RRP12: variants seen among roughly 807,000 people sequenced by gnomAD.
The protein encoded by RRP12 is ribosomal RNA processing 12 homolog.
A neutral mutation model predicts 157.3 loss-of-function variants in RRP12; 78 were observed. The observed-to-expected ratio is 0.50, with a 90% CI of 0.41 to 0.60. The LOEUF (loss-of-function observed/expected upper bound fraction) is 0.60, where lower values mean the gene tolerates loss of function less well. Ranked by LOEUF, RRP12 falls within the 20% of genes least tolerant of loss-of-function variation. RRP12 has a pLI of 0.00. For synonymous variants in RRP12, 726 were observed against 670.9 expected, an observed-to-expected ratio of 1.08 and a Z score of -1.27; for missense variants, 1,521 against 1,679.9, an observed-to-expected ratio of 0.91 and a Z score of 1.65.
Position 97,388,477 on chromosome 10 carries a change from TG to T in RRP12, c.889+11del, listed in dbSNP as rs754478668. The T allele has an allele frequency of 3.1e-6, 5 of 1,613,988 alleles. No individual in the cohort carries two copies. Among genetic ancestry groups the T allele is most frequent in the Non-Finnish European group, 4.2e-6 (5 of 1,179,872 alleles). ...GCCTCCCATCCACCTGCCCTCCATTTGGGTTCCCCACCTCCAGACTTCTCAA... is the reference window on the plus strand; with the variant it reads ...GCCTCCCATCCACCTGCCCTCCATTTGGTTCCCCACCTCCAGACTTCTCAA... On this transcript the variant is annotated intron_variant, in intron 7 of 33. Transcript: ENST00000370992.
chr10:97,390,961 A>G (rs1844787385), intron 4 of RRP12, 117 bp from the exon 5 acceptor site: 2 of 725,946 alleles, frequency 2.8e-6, no homozygotes, highest in Admixed American at 4.1e-5. Context: ...TCACTCAGAA[A>G]GTGAGCAACA....
At chr10:97,364,764 T>G (rs1843928686) in intron 29 of RRP12, among the ~76,000 whole-genome samples, 1 of 152,066 alleles carries the variant, frequency 6.6e-6, no homozygotes, top group Non-Finnish European at 1.5e-5. Context: ...TCCTCTGGGC[T>G]TGGCAGGAGT....
intron 8 of RRP12, among the ~76,000 whole-genome samples, chr10:97,386,998 AAAG>A (rs1298829821): frequency 6.6e-6 from 1 of 152,046 alleles, no homozygotes; most frequent in Non-Finnish European, 1.5e-5. Context: ...ACAAAAAAAA[AAAG>A]AGAGAGAACA....
intron 17 of RRP12, 26 bp downstream of exon 17, chr10:97,373,549 C>G (rs758233283): frequency 6.4e-7 from 1 of 1,568,756 alleles, no homozygotes; most frequent in Non-Finnish European, 8.7e-7. Flanking sequence ...TCCTCCCCAG[C>G]CCCCACTCCC....
chr10:97,360,868 T>C (rs1843825849), intron 30 of RRP12, among the ~76,000 whole-genome samples: 1 of 152,188 alleles, frequency 6.6e-6, no homozygotes, highest in Non-Finnish European at 1.5e-5. Flanking sequence ...CGGCCGTTCC[T>C]GCTCTTCCTT....
At chr10:97,377,530 A>C (rs74729163) in intron 15 of RRP12, among the ~76,000 whole-genome samples, 36,178 of 151,188 alleles carry the variant, frequency 0.24, 4,632 homozygotes, top group South Asian at 0.34. Context: ...ATAAATGTGT[A>C]TGTGTCTGTG....
Position 97,401,079 on chromosome 10 carries a change from C to T in RRP12, c.139+14G>A. 1.9e-6 allele frequency: 3 copies of T among 1,612,180 alleles called. No homozygotes were observed. The South Asian group carries it at 3.3e-5, about 18-fold the overall frequency. ...ACCCCGCCCCCGGCTGCGCTCGGGTCTCAACCCAGCTACCTGACGGCCGGC... is the reference window on the plus strand; with the variant it reads ...ACCCCGCCCCCGGCTGCGCTCGGGTTTCAACCCAGCTACCTGACGGCCGGC... On this transcript the variant is annotated intron_variant, in intron 1 of 33. Coordinates refer to ENST00000370992, the MANE Select transcript of RRP12 (RefSeq NM_015179.4).
Position 97,369,565 on chromosome 10 carries a change from T to C in RRP12, c.2815A>G (p.Thr939Ala). Residue 939 changes from threonine (T) to alanine (A), a missense_variant, in exon 25 of 34, where the codon ACA becomes GCA. Transcript: ENST00000370992. Reference protein sequence around the residue: ...FEFKGLMGTSTVEQLLENVCL... With the variant: ...FEFKGLMGTSAVEQLLENVCL... ...ACATTCTCCAGCAGCTGCTCCACTG[T>C]ACTGGTCCCCATCAGACCTGTGGCA... 1 of 1,568,058 alleles carries C rather than the reference T, an allele frequency of 6.4e-7. No homozygotes were observed. The highest frequency in any genetic ancestry group is 8.6e-7 in the Non-Finnish European group (1 of 1,156,136).
chr10:97,379,843 C>A lies in RRP12; in HGVS notation c.1534-73G>T, dbSNP rs11189174. The A allele has an allele frequency of 4.8e-6, 7 of 1,472,320 alleles. No homozygotes were observed. In the African/African-American group the frequency reaches 8.4e-5, roughly 18 times the overall value. 91.2% of individuals were successfully genotyped at this position (1,472,320 alleles called of 1,614,324 possible). A position where few individuals can be genotyped will look rare whatever the true frequency, so the allele number is the denominator to read the frequency against. ...GGACCCATGACAAGACCCCGCTGAA[C>A]GATGAGGCTGGAATTCTGGGCCTGG... On this transcript the variant is annotated intron_variant, in intron 13 of 33. Coordinates refer to ENST00000370992, the MANE Select transcript of RRP12 (RefSeq NM_015179.4).
chr10:97,395,221 C>CACAT (rs1432150656), intron 3 of RRP12, among the ~76,000 whole-genome samples: 2 of 152,004 alleles, frequency 1.3e-5, no homozygotes, highest in Non-Finnish European at 2.9e-5. Flanking sequence ...CACACACACA[C>CACAT]ACATACATAC....
chr10:97,359,427 T>C (rs1464625874), intron 31 of RRP12, among the ~76,000 whole-genome samples: 1 of 152,220 alleles, frequency 6.6e-6, no homozygotes, highest in East Asian at 1.9e-4. Context: ...ATTTTAGGCT[T>C]TCCCTTCTTA....
intron 19 of RRP12, 94 bp from the exon 20 acceptor site, chr10:97,372,260 G>A (rs1002706579): frequency 1.1e-6 from 1 of 891,190 alleles, no homozygotes. Flanking sequence ...GGGGAGGTGG[G>A]AGAAGTCAGG....
chr10:97,368,516 C>T (rs1423139298), intron 25 of RRP12, among the ~76,000 whole-genome samples: 5 of 151,652 alleles, frequency 3.3e-5, no homozygotes, highest in Non-Finnish European at 7.4e-5. Flanking sequence ...TGCCACCTCG[C>T]CCAGCTAATT....
chr10:97,371,062 T>G lies in RRP12; in HGVS notation c.2363A>C (p.Gln788Pro), dbSNP rs1236796747. 6.2e-7 allele frequency: 1 copy of G among 1,613,648 alleles called. No individual in the cohort carries two copies. Among genetic ancestry groups the G allele is most frequent in the East Asian group, 2.2e-5 (1 of 44,870 alleles). ...PYLESKAHGV[Q>P]KKAYRVLEEV... ...CTCCAGCACTCGGTAGGCCTTCTTC[T>G]GCACCCCGTGGGCCTTGCTCTGGCA... The change falls in exon 21 of 34, where the codon CAG becomes CCG. Residue 788 changes from glutamine (Q) to proline (P), a missense_variant. Physicochemically the swap from Gln to Pro is moderately conservative, Grantham distance 76 (BLOSUM62 -1). Coordinates refer to ENST00000370992, the MANE Select transcript of RRP12 (RefSeq NM_015179.4).
intron 29 of RRP12, among the ~76,000 whole-genome samples, chr10:97,365,426 AC>A (rs1843948446): frequency 1.3e-5 from 2 of 151,934 alleles, no homozygotes; most frequent in Admixed American, 1.3e-4. Flanking sequence ...GGCGCCCGCG[AC>A]CACGCCCAGC....
At chr10:97,394,133 G>A (rs1438242433) in intron 3 of RRP12, among the ~76,000 whole-genome samples, 1 of 152,118 alleles carries the variant, frequency 6.6e-6, no homozygotes, top group East Asian at 1.9e-4. Flanking sequence ...ACGAGGTCAG[G>A]AGACCGAGAC....
In RRP12 at chr10:97,359,007, C is replaced by T. The variant is rs1393181993; in HGVS notation, c.3644G>A (p.Gly1215Glu). The change falls in exon 32 of 34, where the codon GGA becomes GAA. Residue 1215 changes from glycine (G) to glutamate (E), a missense_variant. By Grantham distance (98) the Gly-to-Glu change is moderately conservative. Transcript: ENST00000370992. ...ELEIPPQYQA[G>E]GSGIHRPVAK... ...CACAGGGCGATGAATGCCAGAGCCT[C>T]CAGCTACGGGGAGAACACAGGACCA... The T allele has an allele frequency of 6.2e-7, 1 of 1,613,534 alleles. No homozygotes were observed. The highest frequency in any genetic ancestry group is 1.7e-5 in the Admixed American group (1 of 59,976).
chr10:97,366,572 C>T lies in RRP12; in HGVS notation c.3265G>A (p.Glu1089Lys), dbSNP rs1843987573. 6.2e-7 allele frequency: 1 copy of T among 1,614,150 alleles called. No individual in the cohort carries two copies. Among genetic ancestry groups the T allele is most frequent in the Non-Finnish European group, 8.5e-7 (1 of 1,180,046 alleles). ...TGCTCCTTGCCTCGGCTTCTTTCCT[C>T]CTCCTCATTGTCCTCCTCGTCCTCT... The part of the protein sequence containing the change: ...DSEDEEDNEE[E>K]ERSRGKEQRK... The change falls in exon 28 of 34, where the codon GAG (glutamate) becomes AAG (lysine). Residue 1089 changes from glutamate to lysine, a missense_variant. By Grantham distance (56) the Glu-to-Lys change is moderately conservative. Transcript: ENST00000370992.
intron 15 of RRP12, among the ~76,000 whole-genome samples, chr10:97,376,235 G>GTTTTTT (rs1844303379): frequency 1.6e-5 from 1 of 61,034 alleles, no homozygotes; most frequent in Admixed American, 1.8e-4. Flanking sequence ...TTTTTTTTGA[G>GTTTTTT]ATGAAGTCTC....
Sources: gnomAD v4.1 joint callset for allele counts (sites outside exome capture counted in the v4.1 genomes callset) on GRCh38, gnomAD v4.1.1 for gene constraint, MANE v1.5 for transcripts, NCBI Gene and HGNC (gene_info 2026-07-23, HGNC 2026-07-21) for gene names.